ZNF560: variants seen among roughly 807,000 people sequenced by gnomAD.
ZNF560 encodes the protein zinc finger protein 560.
Under a neutral mutation model 81.8 loss-of-function variants are expected in ZNF560, and 54 were observed. The ratio of observed to expected loss-of-function variants is 0.66; its 90% CI spans 0.53 to 0.83. ZNF560 has a LOEUF of 0.83. Ranked by LOEUF, ZNF560 falls within the 40% of genes least tolerant of loss-of-function variation. The probability of loss-of-function intolerance (pLI) is 0.00; values close to 1 mark genes in which losing one functional copy is unlikely to be tolerated. For missense variants in ZNF560, 940 were observed against 932.4 expected, an observed-to-expected ratio of 1.01 and a Z score of -0.11; for synonymous variants, 321 against 317.9, an observed-to-expected ratio of 1.01 and a Z score of -0.10.
At chr19:9,476,094 G>A (rs543426546) in intron 2 of ZNF560, among the ~76,000 whole-genome samples, 3 of 152,126 alleles carry the variant, frequency 2.0e-5, no homozygotes, top group African/African-American at 4.8e-5. Context: ...AAGGCCTAGA[G>A]CCCTGGACTA....
intron 2 of ZNF560, among the ~76,000 whole-genome samples, chr19:9,496,839 G>A (rs1000186586): frequency 3.3e-5 from 5 of 151,926 alleles, no homozygotes; most frequent in Non-Finnish European, 5.9e-5. Flanking sequence ...AAAAGGCTGA[G>A]GCAGGAGAAT....
chr19:9,504,366 T>C, the ZNF560 span, among the ~76,000 whole-genome samples: 3 of 152,198 alleles, frequency 2.0e-5, no homozygotes, highest in East Asian at 5.8e-4. Flanking sequence ...ACCTGGGAGA[T>C]GGAGGTTGCA....
chr19:9,476,069 ACT>A (rs2073197350), intron 2 of ZNF560, among the ~76,000 whole-genome samples: 1 of 150,756 alleles, frequency 6.6e-6, no homozygotes, highest in Non-Finnish European at 1.5e-5. Context: ...GAAAGGAACT[ACT>A]AGTGTGAATA....
chr19:9,457,854 T>A, the ZNF560 span, among the ~76,000 whole-genome samples: 1 of 152,186 alleles, frequency 6.6e-6, no homozygotes, highest in Non-Finnish European at 1.5e-5. Context: ...GAGATCCTAG[T>A]GTCACAAGCC....
chr19:9,477,141 C>T (rs2073214931), intron 2 of ZNF560, among the ~76,000 whole-genome samples: 1 of 151,976 alleles, frequency 6.6e-6, no homozygotes, highest in Admixed American at 6.6e-5. Context: ...ATTAATAACA[C>T]CAACTGCCAT....
intron 7 of ZNF560, 59 bp downstream of exon 7, chr19:9,470,333 T>C: frequency 6.5e-7 from 1 of 1,546,684 alleles, no homozygotes; most frequent in Non-Finnish European, 8.7e-7. Flanking sequence ...TAGAATACAG[T>C]AAGTACATAA....
upstream of ZNF560, among the ~76,000 whole-genome samples, chr19:9,499,155 TTTTC>T (rs1271395183): frequency 1.3e-5 from 2 of 152,140 alleles, no homozygotes. Context: ...AATTTTTTTC[TTTTC>T]TTTCTTTTTT....
intron 2 of ZNF560, among the ~76,000 whole-genome samples, chr19:9,477,795 T>C (rs1344741860): frequency 6.6e-6 from 1 of 151,742 alleles, no homozygotes; most frequent in Non-Finnish European, 1.5e-5. Context: ...GCAATTGAGA[T>C]CATCAACAGT....
chr19:9,480,000 CAGAGATAGATT>C (rs1568459137), intron 2 of ZNF560, among the ~76,000 whole-genome samples: 1 of 151,998 alleles, frequency 6.6e-6, no homozygotes, highest in Non-Finnish European at 1.5e-5. Flanking sequence ...GATCTGAAGA[CAGAGATAGATT>C]GCAATAAAAT....
At chr19:9,500,034 C>T (rs941012137), upstream of ZNF560, among the ~76,000 whole-genome samples, 4 of 152,078 alleles carry the variant, frequency 2.6e-5, no homozygotes, top group African/African-American at 7.2e-5. Context: ...TTTATTTGTT[C>T]TATTCTAATT....
chr19:9,487,121 GAC>G (rs150957999), intron 2 of ZNF560, among the ~76,000 whole-genome samples: 15,209 of 152,198 alleles, frequency 0.1, 901 homozygotes, highest in South Asian at 0.2. Context: ...ATGAAGACAG[GAC>G]ACAGCAGCAG....
intron 3 of ZNF560, 30 bp from the exon 4 acceptor site, chr19:9,474,355 C>A: frequency 6.3e-7 from 1 of 1,588,054 alleles, no homozygotes; most frequent in Non-Finnish European, 8.6e-7. Flanking sequence ...TTGATTTGAG[C>A]CAAGTAACAG....
the ZNF560 span, among the ~76,000 whole-genome samples, chr19:9,459,588 C>G: frequency 6.6e-6 from 1 of 152,116 alleles, no homozygotes; most frequent in Non-Finnish European, 1.5e-5. Context: ...GTCCAGGGGG[C>G]CAACACTAGT....
chr19:9,487,973 G>A (rs971368), intron 2 of ZNF560, among the ~76,000 whole-genome samples: 15,049 of 152,230 alleles, frequency 0.099, 890 homozygotes, highest in South Asian at 0.2. Context: ...GATGTGGTCT[G>A]TCCCCATCAC....
At chr19:9,499,484 G>A (rs1224558206), upstream of ZNF560, among the ~76,000 whole-genome samples, 2 of 152,188 alleles carry the variant, frequency 1.3e-5, no homozygotes, top group Non-Finnish European at 2.9e-5. Context: ...GAGCCATCAT[G>A]CACCATGCCT....
At chr19:9,482,399 T>C (rs998543944) in intron 2 of ZNF560, among the ~76,000 whole-genome samples, 1 of 144,970 alleles carries the variant, frequency 6.9e-6, no homozygotes, top group Non-Finnish European at 1.5e-5. Flanking sequence ...ATTGTACGCA[T>C]GTACCTTAGA....
chr19:9,503,103 C>T (rs1196889206), upstream of ZNF560, among the ~76,000 whole-genome samples: 2 of 152,074 alleles, frequency 1.3e-5, no homozygotes, highest in African/African-American at 4.8e-5. Context: ...CACCTGTACT[C>T]CCAGCACTTT....
At chr19:9,499,825 C>T (rs1033686536), upstream of ZNF560, among the ~76,000 whole-genome samples, 2 of 152,026 alleles carry the variant, frequency 1.3e-5, no homozygotes, top group Non-Finnish European at 2.9e-5. Context: ...AAAGTTATTC[C>T]CATGTAACTT....
rs536766352 is a variant in ZNF560 at position 9,474,741 on chromosome 19, C to T, written c.31-416G>A. Reference sequence around the variant, plus strand: ...TGGTGTGATCATGGCTCACTGCAGCCTTGACTTACTGGGCTCAAGTGATCG... The same window carrying T: ...TGGTGTGATCATGGCTCACTGCAGCTTTGACTTACTGGGCTCAAGTGATCG... On this transcript the variant is annotated intron_variant, in intron 3 of 9. Coordinates refer to ENST00000301480, the MANE Select transcript of ZNF560 (RefSeq NM_152476.3). Among the ~76,000 whole-genome samples, 3 of 151,742 alleles carry T rather than the reference C, an allele frequency of 2.0e-5. No individual in the cohort carries two copies. In the South Asian group the frequency reaches 6.3e-4, roughly 32 times the overall value.
Sources: gnomAD v4.1 joint callset for allele counts (sites outside exome capture counted in the v4.1 genomes callset) on GRCh38, gnomAD v4.1.1 for gene constraint, MANE v1.5 for transcripts, NCBI Gene and HGNC (gene_info 2026-07-23, HGNC 2026-07-21) for gene names.